CLEC3B: variants seen among roughly 807,000 people sequenced by gnomAD.
CLEC3B encodes the protein C-type lectin domain family 3 member B, also known as tetranectin.
CLEC3B carries 13 observed loss-of-function variants against 15.4 expected under a neutral mutation model. The ratio of observed to expected loss-of-function variants is 0.84; its 90% CI spans 0.55 to 1.34. The LOEUF (loss-of-function observed/expected upper bound fraction) is 1.34, where lower values mean the gene tolerates loss of function less well. Among genes scored for constraint, CLEC3B ranks in the 40% most tolerant of loss-of-function variants. The probability of loss-of-function intolerance (pLI) is 0.00; values close to 1 mark genes in which losing one functional copy is unlikely to be tolerated. For missense variants in CLEC3B, 242 were observed against 268.6 expected (o/e 0.90, Z 0.69); for synonymous variants, 112 against 114.7 (o/e 0.98, Z 0.15).
At position 45,035,504 on chromosome 3, in the gene CLEC3B, C is replaced by A; in HGVS notation, c.209-20C>A. The A allele has an allele frequency of 1.9e-6, 3 of 1,570,288 alleles. No homozygotes were observed. Among genetic ancestry groups the A allele is most frequent in the African/African-American group, 2.7e-5 (2 of 74,218 alleles). ...GGAACAGGGGGACCTTCGGTGACAG[C>A]CATTTCTCCCCACTCCCAGTCTGCC... On this transcript the variant is annotated intron_variant, in intron 2 of 2. Transcript: ENST00000296130.
chr3:45,034,622 A>G (rs976259005), intron 2 of CLEC3B: 3 of 152,264 alleles, frequency 2.0e-5, no homozygotes, highest in Admixed American at 1.3e-4. Context: ...TCAAGCTGAA[A>G]ATGCAAACTG....
At chr3:45,033,558 G>T (rs1295437665) in intron 2 of CLEC3B, among the ~76,000 whole-genome samples, 1 of 152,146 alleles carries the variant, frequency 6.6e-6, no homozygotes, top group Non-Finnish European at 1.5e-5. Context: ...AGGTGATGCA[G>T]CCAGGGCCCT....
intron 1 of CLEC3B, among the ~76,000 whole-genome samples, chr3:45,027,432 ATC>A (rs1308952502): frequency 6.6e-6 from 1 of 152,270 alleles, no homozygotes; most frequent in Admixed American, 6.5e-5. Flanking sequence ...AATGGGGCAA[ATC>A]TGGCTGCTGA....
At chr3:45,030,352 C>T (rs1403067058) in intron 1 of CLEC3B, 3 of 417,126 alleles carry the variant, frequency 7.2e-6, no homozygotes, top group Non-Finnish European at 9.7e-6. Context: ...GAGCAGCTCG[C>T]CCAGGCCACC....
intron 2 of CLEC3B, among the ~76,000 whole-genome samples, chr3:45,033,886 C>T (rs1316499763): frequency 6.6e-6 from 1 of 152,138 alleles, no homozygotes; most frequent in Non-Finnish European, 1.5e-5. Context: ...TCAGGATCAA[C>T]CCCTGTGCTA....
At chr3:45,031,547 A>G (rs1697554727) in intron 2 of CLEC3B, among the ~76,000 whole-genome samples, 1 of 152,194 alleles carries the variant, frequency 6.6e-6, no homozygotes, top group African/African-American at 2.4e-5. Flanking sequence ...TGGAAGAGCA[A>G]GAGTTGAATG....
chr3:45,026,636 G>A (rs916685640), intron 1 of CLEC3B, among the ~76,000 whole-genome samples, 165 bp downstream of exon 1: 2 of 152,150 alleles, frequency 1.3e-5, no homozygotes, highest in Non-Finnish European at 2.9e-5. Flanking sequence ...AGCAGAGTTG[G>A]TTGTCAGAAT....
intron 1 of CLEC3B, among the ~76,000 whole-genome samples, chr3:45,028,936 T>G (rs62242473): frequency 0.61 from 92,323 of 152,130 alleles, 29,165 homozygotes; most frequent in East Asian, 0.9. Flanking sequence ...TCATCTGTTC[T>G]TGGGGCCACA....
intron 2 of CLEC3B, among the ~76,000 whole-genome samples, chr3:45,031,749 A>G (rs1255897119): frequency 2.0e-5 from 3 of 152,136 alleles, no homozygotes; most frequent in Admixed American, 2.0e-4. Context: ...CATTTTCCAC[A>G]TACCTCCGAT....
intron 1 of CLEC3B, among the ~76,000 whole-genome samples, chr3:45,029,020 C>A (rs550070254): frequency 6.6e-6 from 1 of 152,252 alleles, no homozygotes; most frequent in Non-Finnish European, 1.5e-5. Context: ...GAACAGGGAA[C>A]TGGGGGAACC....
Position 45,035,984 on chromosome 3 carries a change from G to C in CLEC3B, c.*60G>C. ...GGGCAGGGGCCGCGGGAGGCCGGGA[G>C]GAGGGTGGGGACCTTGCAGCCCCCA... is the stretch of plus-strand genomic sequence containing the variant. On this transcript the variant is annotated 3_prime_UTR_variant, in exon 3 of 3. Transcript: ENST00000296130. 6.8e-7 allele frequency: 1 copy of C among 1,463,540 alleles called. No individual in the cohort carries two copies. The highest frequency in any genetic ancestry group is 9.1e-7 in the Non-Finnish European group (1 of 1,098,800). 90.7% of individuals were successfully genotyped at this position (1,463,540 alleles called of 1,614,324 possible).
intron 1 of CLEC3B, among the ~76,000 whole-genome samples, chr3:45,028,658 G>A (rs1181110047): frequency 2.6e-5 from 4 of 152,324 alleles, no homozygotes; most frequent in African/African-American, 9.6e-5. Context: ...TTTAGCATCT[G>A]CCTTTTCCAC....
intron 1 of CLEC3B, among the ~76,000 whole-genome samples, chr3:45,027,324 G>A (rs893558351): frequency 2.0e-5 from 3 of 152,170 alleles, no homozygotes; most frequent in Non-Finnish European, 2.9e-5. Flanking sequence ...AGGCCCTCCC[G>A]GGGCTCTTCA....
intron 2 of CLEC3B, among the ~76,000 whole-genome samples, chr3:45,032,424 C>T (rs1157692991): frequency 1.3e-5 from 2 of 152,222 alleles, no homozygotes; most frequent in Non-Finnish European, 2.9e-5. Flanking sequence ...TCCCTCATCT[C>T]AATCAGCTCC....
intron 2 of CLEC3B, among the ~76,000 whole-genome samples, chr3:45,031,166 G>T (rs762594945): frequency 6.6e-6 from 1 of 152,248 alleles, no homozygotes. Context: ...CAGCTGGGTG[G>T]TGTGGAAGTG....
intron 2 of CLEC3B, among the ~76,000 whole-genome samples, chr3:45,033,994 G>A (rs1003005980): frequency 7.2e-5 from 11 of 152,160 alleles, no homozygotes; most frequent in African/African-American, 2.7e-4. Context: ...CCCTGATGAC[G>A]GGATGACCCT....
rs369367447 is a variant in CLEC3B at position 45,035,108 on chromosome 3, G to C, written c.209-416G>C. Among the ~76,000 whole-genome samples the C allele has an allele frequency of 1.5e-3, 231 of 152,322 alleles. 1 individual carries two copies. Among genetic ancestry groups the C allele is most frequent in the African/African-American group, 5.4e-3 (223 of 41,578 alleles). ...CCCTAGGAGCCACACATGTGGGGGCGGGGGGAAGAGGAAGTGGGCAGAGGG... is the reference window on the plus strand; with the variant it reads ...CCCTAGGAGCCACACATGTGGGGGCCGGGGGAAGAGGAAGTGGGCAGAGGG... On this transcript the variant is annotated intron_variant, in intron 2 of 2. Transcript: ENST00000296130.
In CLEC3B at chr3:45,035,781, A is replaced by T; in HGVS notation, c.466A>T (p.Asn156Tyr). ...GACCGGCGCCCGCATCGCCTACAAG[A>T]ACTGGGAGACTGAGATCACCGCGCA... is the stretch of plus-strand genomic sequence containing the variant. ...DMTGARIAYK[N>Y]WETEITAQPD... Residue 156 changes from asparagine (N) to tyrosine (Y), a missense_variant, in exon 3 of 3, where the codon AAC becomes TAC. Asn to Tyr is a moderately radical substitution (Grantham distance 143). Transcript: ENST00000296130. 6.2e-7 allele frequency: 1 copy of T among 1,613,666 alleles called. No homozygotes were observed. The highest frequency in any genetic ancestry group is 1.1e-5 in the South Asian group (1 of 91,088).
At chr3:45,031,689 A>G (rs1290969857) in intron 2 of CLEC3B, among the ~76,000 whole-genome samples, 3 of 152,160 alleles carry the variant, frequency 2.0e-5, no homozygotes, top group Admixed American at 1.3e-4. Context: ...TGGCCAGCAT[A>G]CCTGGCAGCC....
Sources: gnomAD v4.1 joint callset for allele counts (sites outside exome capture counted in the v4.1 genomes callset) on GRCh38, gnomAD v4.1.1 for gene constraint, MANE v1.5 for transcripts, NCBI Gene and HGNC (gene_info 2026-07-23, HGNC 2026-07-21) for gene names.